Variants in DPP6 observed in about 807,000 individuals in gnomAD.
DPP6 encodes the protein A-type potassium channel modulatory protein DPP6.
DPP6 carries 69 observed loss-of-function variants against 122.6 expected under a neutral mutation model. The observed-to-expected ratio is 0.56, with a 90% CI of 0.46 to 0.69. DPP6 has a LOEUF of 0.69. Ranked by LOEUF, DPP6 falls within the 30% of genes least tolerant of loss-of-function variation. The probability of loss-of-function intolerance (pLI) is 0.00; values close to 1 mark genes in which losing one functional copy is unlikely to be tolerated. For missense variants in DPP6, 928 were observed against 1,116.9 expected (o/e 0.83, Z 2.41); for synonymous variants, 418 against 433.1 (o/e 0.97, Z 0.43).
At chr7:154,472,663 C>G (rs1330967116) in intron 2 of DPP6, among the ~76,000 whole-genome samples, 1 of 152,152 alleles carries the variant, frequency 6.6e-6, no homozygotes, top group Admixed American at 6.5e-5. Flanking sequence ...GTCATTATCT[C>G]AGATGATTTT....
chr7:154,435,984 C>T (rs1369836762), intron 1 of DPP6, among the ~76,000 whole-genome samples: 1 of 152,086 alleles, frequency 6.6e-6, no homozygotes, highest in East Asian at 1.9e-4. Context: ...TCCACATTGG[C>T]CTGATATTTG....
chr7:153,960,138 T>A (rs2129027742), intron 1 of DPP6, among the ~76,000 whole-genome samples: 1 of 152,294 alleles, frequency 6.6e-6, no homozygotes, highest in South Asian at 2.1e-4. Context: ...ATATCTGATA[T>A]CATAAAGTAA....
intron 5 of DPP6, among the ~76,000 whole-genome samples, chr7:154,574,918 ATG>A (rs1381125501): frequency 7.0e-5 from 6 of 85,488 alleles, no homozygotes; most frequent in African/African-American, 9.8e-5. Flanking sequence ...GCGTGTGTGT[ATG>A]TGTTTGGTGT....
intron 1 of DPP6, among the ~76,000 whole-genome samples, chr7:154,422,990 G>T (rs1300027936): frequency 6.6e-6 from 1 of 152,150 alleles, no homozygotes; most frequent in Non-Finnish European, 1.5e-5. Flanking sequence ...TCAGGGGGAG[G>T]TATTACCTGC....
At chr7:154,302,978 T>TG (rs1461265263) in intron 1 of DPP6, among the ~76,000 whole-genome samples, 22 of 139,492 alleles carry the variant, frequency 1.6e-4, no homozygotes, top group African/African-American at 5.8e-4. Flanking sequence ...GGTTTTAGTT[T>TG]TTTTGTTTGT....
At chr7:154,394,393 G>T (rs1814895919) in intron 1 of DPP6, among the ~76,000 whole-genome samples, 1 of 149,840 alleles carries the variant, frequency 6.7e-6, no homozygotes, top group African/African-American at 2.5e-5. Flanking sequence ...TACCTTTTTT[G>T]GAGAACTGTC....
chr7:154,442,951 G>T lies in DPP6; in HGVS notation c.244-3263G>T, dbSNP rs115598746. Among the ~76,000 whole-genome samples the T allele has an allele frequency of 8.5e-3, 1,291 of 152,162 alleles. 16 individuals are homozygous for T. Among genetic ancestry groups the T allele is most frequent in the African/African-American group, 0.029 (1,213 of 41,504 alleles). On this transcript the variant is annotated intron_variant, in intron 1 of 25. Coordinates refer to ENST00000377770, the MANE Select transcript of DPP6 (RefSeq NM_130797.4). The stretch of plus-strand genomic sequence containing the variant: ...GCTCCCCTGGCCACCTTCCTTAGTG[G>T]GAGCCTTATTTACACACTGCTGTGC...
At chr7:153,750,186 T>A in the DPP6 span, among the ~76,000 whole-genome samples, 1 of 152,256 alleles carries the variant, frequency 6.6e-6, no homozygotes, top group Non-Finnish European at 1.5e-5. Context: ...TAAGGTTGAA[T>A]GCTTTTATTC....
chr7:154,456,030 G>A (rs572694575), intron 2 of DPP6, among the ~76,000 whole-genome samples: 13 of 152,146 alleles, frequency 8.5e-5, no homozygotes, highest in Non-Finnish European at 1.6e-4. Context: ...TGGCAGTCCA[G>A]AACCAAAGGC....
At chr7:154,688,335 C>T (rs1839747891) in intron 7 of DPP6, among the ~76,000 whole-genome samples, 2 of 152,162 alleles carry the variant, frequency 1.3e-5, no homozygotes, top group African/African-American at 2.4e-5. Context: ...AGTTTATTTA[C>T]TTAAAAAATA....
chr7:154,155,146 G>A (rs1796618089), intron 1 of DPP6, among the ~76,000 whole-genome samples: 1 of 152,206 alleles, frequency 6.6e-6, no homozygotes, highest in South Asian at 2.1e-4. Context: ...ATGGAGCAGG[G>A]AAGGTCTTGG....
intron 3 of DPP6, among the ~76,000 whole-genome samples, chr7:154,487,267 A>AT (rs1280478844): frequency 6.6e-6 from 1 of 152,086 alleles, no homozygotes; most frequent in Non-Finnish European, 1.5e-5. Flanking sequence ...TCCTACTCTG[A>AT]TAAGTAGACA....
intron 1 of DPP6, among the ~76,000 whole-genome samples, chr7:154,432,104 A>G (rs1818475899): frequency 6.6e-6 from 1 of 152,214 alleles, no homozygotes; most frequent in African/African-American, 2.4e-5. Context: ...AAAATAATTC[A>G]AAGAAATGAA....
At chr7:153,925,711 G>A (rs112593839) in intron 1 of DPP6, among the ~76,000 whole-genome samples, 1 of 152,116 alleles carries the variant, frequency 6.6e-6, no homozygotes, top group East Asian at 1.9e-4. Flanking sequence ...ACATGGTAGA[G>A]GGTCCCCAAG....
chr7:154,371,378 CAAAAAAAAAAAAAAAAA>C (rs1167770083), intron 1 of DPP6, among the ~76,000 whole-genome samples: 2 of 47,704 alleles, frequency 4.2e-5, no homozygotes, highest in African/African-American at 2.2e-4. Context: ...AACTCTGTCT[CAAAAAAAAAAAAAAAAA>C]AAAAAAAAAG....
At chr7:154,428,323 C>T (rs947776868) in intron 1 of DPP6, among the ~76,000 whole-genome samples, 1 of 152,102 alleles carries the variant, frequency 6.6e-6, no homozygotes, top group African/African-American at 2.4e-5. Context: ...TCTTTTTTAG[C>T]ATAATACACC....
chr7:154,400,984 C>T (rs1231213369), intron 1 of DPP6, among the ~76,000 whole-genome samples: 9 of 152,054 alleles, frequency 5.9e-5, no homozygotes, highest in East Asian at 1.9e-4. Flanking sequence ...GGGCAGATCA[C>T]GAGGTCAGGA....
chr7:153,793,567 A>G, the DPP6 span, among the ~76,000 whole-genome samples: 12 of 151,644 alleles, frequency 7.9e-5, no homozygotes, highest in African/African-American at 2.9e-4. Context: ...CGACAATGTG[A>G]TAGAAAAGAA....
At chr7:153,755,839 T>C in the DPP6 span, among the ~76,000 whole-genome samples, 1 of 152,224 alleles carries the variant, frequency 6.6e-6, no homozygotes, top group African/African-American at 2.4e-5. Flanking sequence ...GTCTCTTTTT[T>C]ATTTTCTCTT....
Sources: gnomAD v4.1 joint callset for allele counts (sites outside exome capture counted in the v4.1 genomes callset) on GRCh38, gnomAD v4.1.1 for gene constraint, MANE v1.5 for transcripts, NCBI Gene and HGNC (gene_info 2026-07-23, HGNC 2026-07-21) for gene names.